Variants in ASTN1 observed in about 807,000 individuals in gnomAD.
ASTN1 encodes astrotactin-1.
ASTN1 carries 41 observed loss-of-function variants against 140.7 expected under a neutral mutation model. The ratio of observed to expected loss-of-function variants is 0.29; its 90% confidence interval spans 0.23 to 0.38. The LOEUF (loss-of-function observed/expected upper bound fraction) is 0.38, where lower values mean the gene tolerates loss of function less well. Among genes scored for constraint, ASTN1 ranks in the 10% least tolerant of loss-of-function variants. The pLI is 1.00. For missense variants in ASTN1, 1,479 were observed against 1,678.8 expected (o/e 0.88, Z 2.08); for synonymous variants, 640 against 652.2 (o/e 0.98, Z 0.29).
chr1:176,984,169 A>G (rs1477250760), intron 8 of ASTN1, among the ~76,000 whole-genome samples: 3 of 152,200 alleles, frequency 2.0e-5, no homozygotes, highest in Non-Finnish European at 4.4e-5. Flanking sequence ...ATTCTGCAAG[A>G]TGGGGCCTTT....
chr1:176,973,277 A>G (rs1292299036), intron 8 of ASTN1, among the ~76,000 whole-genome samples: 3 of 152,154 alleles, frequency 2.0e-5, no homozygotes, highest in Non-Finnish European at 2.9e-5. Context: ...TATTCATTCT[A>G]CCACTGTTTT....
chr1:177,144,224 C>T lies in ASTN1; in HGVS notation c.283+20170G>A, dbSNP rs538233658. Among the ~76,000 whole-genome samples, 3 of 151,100 alleles carry T rather than the reference C, an allele frequency of 2.0e-5. No individual in the cohort carries two copies. In the South Asian group the frequency reaches 6.3e-4, roughly 32 times the overall value. ...CCTAAGGCTACTACCAAAACATGTC[C>T]GGAGATGAGATGGAAGTGGAACTCA... On this transcript the variant is annotated intron_variant, in intron 1 of 22. Transcript: ENST00000361833.
In ASTN1 at chr1:176,935,755, C is replaced by T. The variant is rs1033515250; in HGVS notation, c.2482+511G>A. Reference sequence around the variant, plus strand: ...AGAGGGCTAATATCTATTTCTCTCTCTCTCTTTCTCTCTCTCTCTCTCTCT... The same window carrying T: ...AGAGGGCTAATATCTATTTCTCTCTTTCTCTTTCTCTCTCTCTCTCTCTCT... On this transcript the variant is annotated intron_variant, in intron 15 of 22. Coordinates refer to ENST00000361833, the MANE Select transcript of ASTN1 (RefSeq NM_004319.3). Among the ~76,000 whole-genome samples the T allele has an allele frequency of 5.3e-5, 8 of 151,922 alleles. No homozygotes were observed. In the South Asian group the frequency reaches 8.3e-4, roughly 16 times the overall value.
At chr1:176,999,930 CCT>C (rs1229321956) in intron 8 of ASTN1, among the ~76,000 whole-genome samples, 2 of 152,126 alleles carry the variant, frequency 1.3e-5, no homozygotes, top group Non-Finnish European at 2.9e-5. Context: ...GTCAATTAAA[CCT>C]CTTTTTGTAT....
At chr1:177,027,279 G>A (rs1431778282) in intron 5 of ASTN1, among the ~76,000 whole-genome samples, 1 of 152,050 alleles carries the variant, frequency 6.6e-6, no homozygotes, top group Admixed American at 6.5e-5. Context: ...GTGCTATAAG[G>A]TGTGATAAGA....
chr1:176,949,356 C>A lies in ASTN1; in HGVS notation c.1888-5G>T. On this transcript the variant is annotated splice_region_variant and splice_polypyrimidine_tract_variant and intron_variant, in intron 11 of 22. Coordinates refer to ENST00000361833, the MANE Select transcript of ASTN1 (RefSeq NM_004319.3). The stretch of plus-strand genomic sequence containing the variant: ...GGGACTGAGTCCAGATGGGCACTGG[C>A]ACAATCAGAAAACATCCACATACGT... The A allele has an allele frequency of 1.2e-6, 2 of 1,610,876 alleles. No individual in the cohort carries two copies. Among genetic ancestry groups the A allele is most frequent in the Non-Finnish European group, 1.7e-6 (2 of 1,177,858 alleles).
At chr1:177,101,419 T>C (rs1421492320) in intron 1 of ASTN1, among the ~76,000 whole-genome samples, 2 of 152,228 alleles carry the variant, frequency 1.3e-5, no homozygotes, top group Non-Finnish European at 2.9e-5. Context: ...CAAAATTTCA[T>C]GAAGTCCATA....
chr1:177,118,379 T>C (rs1468170617), intron 1 of ASTN1, among the ~76,000 whole-genome samples: 1 of 152,304 alleles, frequency 6.6e-6, no homozygotes, highest in Middle Eastern at 3.4e-3. Flanking sequence ...ATGGGATGAC[T>C]GGCATTGATC....
chr1:177,095,298 C>T (rs1365948872), intron 1 of ASTN1, among the ~76,000 whole-genome samples: 1 of 152,180 alleles, frequency 6.6e-6, no homozygotes, highest in Non-Finnish European at 1.5e-5. Flanking sequence ...AAGAGTGTAG[C>T]TAAGCAACCT....
intron 16 of ASTN1, among the ~76,000 whole-genome samples, chr1:176,931,922 G>T (rs996939893): frequency 6.6e-6 from 1 of 152,180 alleles, no homozygotes; most frequent in African/African-American, 2.4e-5. Flanking sequence ...CCTAACCTGA[G>T]AATACATCCT....
intron 8 of ASTN1, among the ~76,000 whole-genome samples, chr1:176,972,950 T>C (rs1042113907): frequency 6.6e-6 from 1 of 152,080 alleles, no homozygotes; most frequent in African/African-American, 2.4e-5. Flanking sequence ...CTTGCTACAG[T>C]CATACCTATA....
chr1:176,969,146 AC>A (rs931350966), intron 8 of ASTN1, among the ~76,000 whole-genome samples: 12 of 149,446 alleles, frequency 8.0e-5, no homozygotes, highest in Non-Finnish European at 1.2e-4. Flanking sequence ...AAAGTAAGAA[AC>A]CCCCCCGCCT....
At chr1:177,032,307 A>G (rs1676481489) in intron 3 of ASTN1, 149 bp downstream of exon 3, 8 of 1,088,314 alleles carry the variant, frequency 7.4e-6, no homozygotes, top group Non-Finnish European at 1.0e-5. Flanking sequence ...TCATCTCAGG[A>G]AACAGGTTAT....
chr1:177,131,946 G>A (rs1162161339), intron 1 of ASTN1, among the ~76,000 whole-genome samples: 1 of 152,230 alleles, frequency 6.6e-6, no homozygotes, highest in Non-Finnish European at 1.5e-5. Context: ...CACTCACCCT[G>A]GAGGAAATGT....
intron 9 of ASTN1, among the ~76,000 whole-genome samples, chr1:176,961,391 A>G (rs1672653827): frequency 6.6e-6 from 1 of 152,346 alleles, no homozygotes; most frequent in South Asian, 2.1e-4. Flanking sequence ...GATCAAGGTG[A>G]AACCCTGTAG....
At chr1:177,120,588 C>A (rs532946690) in intron 1 of ASTN1, among the ~76,000 whole-genome samples, 2 of 152,280 alleles carry the variant, frequency 1.3e-5, no homozygotes, top group South Asian at 4.2e-4. Flanking sequence ...CAAGCCGATT[C>A]TTTTGATGCA....
chr1:176,895,622 T>C (rs1030693991), intron 16 of ASTN1, among the ~76,000 whole-genome samples: 2 of 152,230 alleles, frequency 1.3e-5, no homozygotes, highest in East Asian at 1.9e-4. Flanking sequence ...GAGAGATGGG[T>C]CCACATCAAT....
intron 5 of ASTN1, among the ~76,000 whole-genome samples, chr1:177,025,447 A>AT (rs1015883894): frequency 7.3e-5 from 11 of 149,940 alleles, no homozygotes; most frequent in East Asian, 2.0e-4. Flanking sequence ...TACCATTGTT[A>AT]TTTTTTTTTA....
At chr1:177,081,708 G>A (rs1679189238) in intron 1 of ASTN1, among the ~76,000 whole-genome samples, 2 of 152,142 alleles carry the variant, frequency 1.3e-5, no homozygotes, top group South Asian at 2.1e-4. Flanking sequence ...AAGATGGGGA[G>A]CTCACCAGAG....
Sources: gnomAD v4.1 joint callset for allele counts (sites outside exome capture counted in the v4.1 genomes callset) on GRCh38, gnomAD v4.1.1 for gene constraint, MANE v1.5 for transcripts, NCBI Gene and HGNC (gene_info 2026-07-23, HGNC 2026-07-21) for gene names.